The following FIGN variants were observed in gnomAD, a reference collection of about 807,000 sequenced individuals.
FIGN encodes the protein fidgetin, microtubule severing factor, also known as fidgetin.
FIGN carries 11 observed loss-of-function variants against 51.3 expected under a neutral mutation model. The observed-to-expected ratio is 0.21, with a 90% CI of 0.13 to 0.35. The LOEUF is 0.35. Among genes scored for constraint, FIGN ranks in the 10% least tolerant of loss-of-function variants. The pLI, the probability that FIGN is intolerant of heterozygous loss-of-function variation, is 1.00. For synonymous variants in FIGN, 407 were observed against 363.2 expected, an observed-to-expected ratio of 1.12 and a Z score of -1.37; for missense variants, 857 against 943.6, an observed-to-expected ratio of 0.91 and a Z score of 1.20.
intron 2 of FIGN, among the ~76,000 whole-genome samples, chr2:163,692,552 G>A (rs899258387): frequency 5.9e-5 from 9 of 152,120 alleles, no homozygotes; most frequent in African/African-American, 2.2e-4. Context: ...TTAAAAAGTT[G>A]TCAATCTATT....
chr2:163,682,012 C>T lies in FIGN; in HGVS notation c.25+52891G>A, dbSNP rs139547939. Among the ~76,000 whole-genome samples the T allele has an allele frequency of 4.1e-4, 63 of 152,278 alleles. 1 individual carries two copies. The highest frequency in any genetic ancestry group is 1.5e-3 in the African/African-American group (62 of 41,556). On this transcript the variant is annotated intron_variant, in intron 2 of 2. Transcript: ENST00000333129. ...ATTTCTCATGAAGTTGCAGTTTGGC[C>T]TTGCTTTCAGGGGCTGATGTGCTAA...
chr2:163,646,429 G>T (rs1683383721), intron 2 of FIGN, among the ~76,000 whole-genome samples: 1 of 152,082 alleles, frequency 6.6e-6, no homozygotes, highest in Non-Finnish European at 1.5e-5. Flanking sequence ...AGGTTAAAAA[G>T]AAATTAAGGA....
At chr2:163,730,716 T>C (rs1267629297) in intron 2 of FIGN, among the ~76,000 whole-genome samples, 2 of 152,322 alleles carry the variant, frequency 1.3e-5, no homozygotes, top group East Asian at 1.9e-4. Context: ...TTGTTTATTC[T>C]AGTTTATCAA....
intron 2 of FIGN, among the ~76,000 whole-genome samples, chr2:163,672,630 A>G (rs1683895752): frequency 6.6e-6 from 1 of 152,194 alleles, no homozygotes; most frequent in African/African-American, 2.4e-5. Context: ...GTGAAAAACA[A>G]AGTGCCGATT....
intron 2 of FIGN, among the ~76,000 whole-genome samples, chr2:163,712,936 A>C (rs1684610549): frequency 6.6e-6 from 1 of 152,214 alleles, no homozygotes; most frequent in East Asian, 1.9e-4. Flanking sequence ...AACGTTGGTG[A>C]AATAGTGCCC....
At chr2:163,635,325 T>C (rs1490667004) in intron 2 of FIGN, among the ~76,000 whole-genome samples, 1 of 152,238 alleles carries the variant, frequency 6.6e-6, no homozygotes. Flanking sequence ...TCCAGTACTT[T>C]GGAAGGCCAA....
At chr2:163,723,620 G>A (rs1458854617) in intron 2 of FIGN, among the ~76,000 whole-genome samples, 2 of 152,126 alleles carry the variant, frequency 1.3e-5, no homozygotes, top group Non-Finnish European at 2.9e-5. Flanking sequence ...AAAAGAAGGT[G>A]GACAAAGACT....
chr2:163,725,289 G>A (rs1684822395), intron 2 of FIGN, among the ~76,000 whole-genome samples: 1 of 152,000 alleles, frequency 6.6e-6, no homozygotes, highest in Admixed American at 6.6e-5. Context: ...GAAAAAAACA[G>A]CTCTTCAAAA....
At chr2:163,631,176 G>A (rs1029211023) in intron 2 of FIGN, among the ~76,000 whole-genome samples, 2 of 152,090 alleles carry the variant, frequency 1.3e-5, no homozygotes, top group African/African-American at 4.8e-5. Flanking sequence ...TGGTTTCACT[G>A]GTGTATCAAA....
At chr2:163,676,357 T>C (rs1683963635) in intron 2 of FIGN, among the ~76,000 whole-genome samples, 1 of 148,530 alleles carries the variant, frequency 6.7e-6, no homozygotes. Context: ...AAGAAAACTT[T>C]TATGTTTATT....
intron 2 of FIGN, among the ~76,000 whole-genome samples, chr2:163,649,844 C>A (rs368290176): frequency 6.6e-6 from 1 of 152,162 alleles, no homozygotes; most frequent in African/African-American, 2.4e-5. Flanking sequence ...CTTATCCCTG[C>A]GGAGCATGGA....
At position 163,611,078 on chromosome 2, in the gene FIGN, A is replaced by G; in HGVS notation, c.754T>C (p.Tyr252His). ...GACCCCACAGCAGTCTGAGGAGGAT[A>G]GCTAGCAGACGGATAGCTGTAACTG... Reference protein sequence around the residue: ...LSSYSYPSASYPPQTAVGSGY... With the variant: ...LSSYSYPSASHPPQTAVGSGY... The change falls in exon 3 of 3, where the codon TAT (tyrosine) becomes CAT (histidine). Residue 252 changes from tyrosine to histidine, a missense_variant. Tyr to His is a moderately conservative substitution (Grantham distance 83). Around this residue, in one of 3 missense-constraint regions of FIGN, gnomAD observed 799 missense variants for 849.5 expected, o/e 0.94. Transcript: ENST00000333129. 1 of 1,614,066 alleles carries G rather than the reference A, an allele frequency of 6.2e-7. No homozygotes were observed. Among genetic ancestry groups the G allele is most frequent in the Non-Finnish European group, 8.5e-7 (1 of 1,180,004 alleles).
At chr2:163,677,331 T>G (rs1188160694) in intron 2 of FIGN, among the ~76,000 whole-genome samples, 1 of 152,200 alleles carries the variant, frequency 6.6e-6, no homozygotes, top group Non-Finnish European at 1.5e-5. Context: ...ATGAACAATT[T>G]TATCCCAAAT....
At chr2:163,620,851 T>TTGTGCGTGTG (rs1553493475) in intron 2 of FIGN, among the ~76,000 whole-genome samples, 2 of 147,486 alleles carry the variant, frequency 1.4e-5, no homozygotes, top group Admixed American at 1.4e-4. Context: ...GTGTAAATAT[T>TTGTGCGTGTG]TGTGTGTGTG....
chr2:163,639,679 T>C (rs994697187), intron 2 of FIGN, among the ~76,000 whole-genome samples: 2 of 152,042 alleles, frequency 1.3e-5, no homozygotes, highest in African/African-American at 2.4e-5. Flanking sequence ...TGAAACCAAA[T>C]AGGAAATAGT....
intron 2 of FIGN, among the ~76,000 whole-genome samples, chr2:163,713,143 C>A (rs1400057178): frequency 6.6e-6 from 1 of 152,110 alleles, no homozygotes; most frequent in Non-Finnish European, 1.5e-5. Context: ...TCCTTAAATT[C>A]AGTAAAATAT....
At chr2:163,717,947 G>A (rs1012842275) in intron 2 of FIGN, among the ~76,000 whole-genome samples, 1 of 152,124 alleles carries the variant, frequency 6.6e-6, no homozygotes, top group South Asian at 2.1e-4. Context: ...TCCAAGCATG[G>A]CATGCTATGT....
intron 2 of FIGN, among the ~76,000 whole-genome samples, chr2:163,631,043 C>A (rs928480453): frequency 1.6e-4 from 25 of 152,186 alleles, no homozygotes; most frequent in African/African-American, 4.6e-4. Flanking sequence ...TTTGAGTTTA[C>A]GAGTTGAGCT....
intron 2 of FIGN, among the ~76,000 whole-genome samples, chr2:163,654,278 G>A (rs569437666): frequency 3.3e-5 from 5 of 152,060 alleles, no homozygotes; most frequent in Admixed American, 2.0e-4. Context: ...GTATTTGAAA[G>A]AAGACATTTT....
Sources: gnomAD v4.1 joint callset for allele counts (sites outside exome capture counted in the v4.1 genomes callset) on GRCh38, gnomAD v4.1.1 for gene constraint, gnomAD v4.1.1 regional missense constraint, MANE v1.5 for transcripts, NCBI Gene and HGNC (gene_info 2026-07-23, HGNC 2026-07-21) for gene names.